Variants in EVL observed in about 807,000 individuals in gnomAD.
EVL encodes Enah/Vasp-like, also known as ena/VASP-like protein.
In EVL, 21 loss-of-function variants were observed where a neutral mutation model predicts 59.6. The ratio of observed to expected loss-of-function variants is 0.35; its 90% CI spans 0.25 to 0.51. The LOEUF (loss-of-function observed/expected upper bound fraction) is 0.51. Ranked by LOEUF, EVL falls within the 20% of genes least tolerant of loss-of-function variation. The probability of loss-of-function intolerance (pLI) is 0.97; values close to 1 mark genes in which losing one functional copy is unlikely to be tolerated. For synonymous variants in EVL, 198 were observed against 203.5 expected (o/e 0.97, Z 0.23); for missense variants, 462 against 546.6 (o/e 0.85, Z 1.54).
intron 3 of EVL, among the ~76,000 whole-genome samples, chr14:100,113,320 G>A (rs141542849): frequency 2.6e-4 from 39 of 152,254 alleles, no homozygotes; most frequent in South Asian, 1.2e-3. Flanking sequence ...CTGGAGCTGC[G>A]AGGAAGGTCA....
intron 1 of EVL, among the ~76,000 whole-genome samples, chr14:99,995,789 C>T (rs1313546278): frequency 6.6e-6 from 1 of 152,120 alleles, no homozygotes; most frequent in African/African-American, 2.4e-5. Flanking sequence ...AACTCTCAAG[C>T]CTTTTCTTGG....
chr14:99,978,793 C>T (rs1338404588), intron 1 of EVL, among the ~76,000 whole-genome samples: 4 of 152,120 alleles, frequency 2.6e-5, no homozygotes, highest in Non-Finnish European at 4.4e-5. Flanking sequence ...CATGAGAGTA[C>T]GTAGATATGA....
At chr14:100,003,194 A>T (rs2060956654) in intron 1 of EVL, among the ~76,000 whole-genome samples, 1 of 152,080 alleles carries the variant, frequency 6.6e-6, no homozygotes, top group Admixed American at 6.5e-5. Context: ...GAATAGCTTT[A>T]ATTTCTGGCC....
At chr14:100,087,475 C>T (rs180720555) in intron 2 of EVL, among the ~76,000 whole-genome samples, 43 of 152,126 alleles carry the variant, frequency 2.8e-4, no homozygotes, top group Non-Finnish European at 4.1e-4. Flanking sequence ...ATTATCTGGG[C>T]GTGGTGGGGC....
intron 3 of EVL, among the ~76,000 whole-genome samples, chr14:100,111,148 A>ATTT (rs35367426): frequency 0.023 from 2,035 of 86,730 alleles, 6 homozygotes; most frequent in Non-Finnish European, 0.031. Flanking sequence ...TAGTGTCCTC[A>ATTT]TTTTTTTTTT....
chr14:100,132,546 GCCTGGCTCCTCA>G (rs1219361523), intron 7 of EVL, among the ~76,000 whole-genome samples, 161 bp from the exon 8 acceptor site: 2 of 152,196 alleles, frequency 1.3e-5, no homozygotes, highest in African/African-American at 4.8e-5. Context: ...ATTTGCCTGG[GCCTGGCTCCTCA>G]CCAGACGGGG....
At chr14:99,996,241 A>G (rs1175440543) in intron 1 of EVL, among the ~76,000 whole-genome samples, 1 of 151,152 alleles carries the variant, frequency 6.6e-6, no homozygotes, top group Non-Finnish European at 1.5e-5. Context: ...GCTGGCTTTC[A>G]TGAGGTTCTT....
intron 9 of EVL, chr14:100,137,249 C>T: frequency 2.6e-6 from 1 of 390,644 alleles, no homozygotes; most frequent in South Asian, 3.1e-5. Flanking sequence ...CACGTGGGAG[C>T]AAGGCTGTGC....
rs986240086 is a variant in EVL at position 100,128,870 on chromosome 14, G to A, written c.717+122G>A. ...CAAACTGCTTCCCTGCCCAAAGCTA[G>A]CTGGCCCTTGGCCACTTGTTCTCAA... On this transcript the variant is annotated intron_variant, in intron 6 of 13. Coordinates refer to ENST00000392920, the MANE Select transcript of EVL (RefSeq NM_016337.3). 6 of 823,670 alleles carry A rather than the reference G, an allele frequency of 7.3e-6. No individual in the cohort carries two copies. The African/African-American group carries it at 1.0e-4, about 14-fold the overall frequency. The allele number at this position is 823,670 out of a possible 1,614,324, so 51.0% of individuals were successfully genotyped here. A position where few individuals can be genotyped will look rare whatever the true frequency, so the allele number is the denominator to read the frequency against.
At chr14:99,985,599 C>A (rs2060834769) in intron 1 of EVL, among the ~76,000 whole-genome samples, 2 of 151,954 alleles carry the variant, frequency 1.3e-5, no homozygotes, top group Non-Finnish European at 2.9e-5. Context: ...GAAACCCCGT[C>A]TCTACTTAAA....
intron 1 of EVL, among the ~76,000 whole-genome samples, chr14:99,980,561 G>C (rs2060799759): frequency 1.3e-5 from 2 of 152,214 alleles, no homozygotes; most frequent in Non-Finnish European, 2.9e-5. Context: ...TGTGATTACA[G>C]AATACAGTAT....
intron 3 of EVL, among the ~76,000 whole-genome samples, chr14:100,117,614 G>T (rs1339121656): frequency 6.6e-6 from 1 of 152,232 alleles, no homozygotes; most frequent in Non-Finnish European, 1.5e-5. Context: ...TACGGGTAGA[G>T]TGGAGCTCAC....
chr14:100,092,522 G>A (rs944016019), intron 2 of EVL, among the ~76,000 whole-genome samples: 2 of 152,118 alleles, frequency 1.3e-5, no homozygotes, highest in African/African-American at 4.8e-5. Context: ...ATCACCTGAG[G>A]TCAGGGTTTC....
chr14:100,137,403 A>G, intron 9 of EVL, 175 bp from the exon 10 acceptor site: 1 of 641,716 alleles, frequency 1.6e-6, no homozygotes, highest in Non-Finnish European at 2.8e-6. Flanking sequence ...GACCTAGGCC[A>G]TGGGGGACTG....
In EVL at chr14:100,127,437, T is replaced by C. The variant is rs1888146840; in HGVS notation, c.487+666T>C. ...GATGAGAAACCCGAGCCCCCACTGG[T>C]TACAGGAACGCTCTGCTCGTGAGAT... On this transcript the variant is annotated intron_variant, in intron 5 of 13. Coordinates refer to ENST00000392920, the MANE Select transcript of EVL (RefSeq NM_016337.3). This position sits in a 1 kb window ranked among gnomAD's most constrained non-coding sequence, Gnocchi z 4.2. Among the ~76,000 whole-genome samples the C allele has an allele frequency of 6.6e-6, 1 of 152,138 alleles. No homozygotes were observed. Among genetic ancestry groups the C allele is most frequent in the African/African-American group, 2.4e-5 (1 of 41,432 alleles).
intron 1 of EVL, among the ~76,000 whole-genome samples, chr14:99,998,243 C>T (rs568417254): frequency 7.2e-5 from 11 of 151,944 alleles, no homozygotes; most frequent in East Asian, 1.9e-4. Context: ...TAGTCTCAAA[C>T]GCGGCTCCAG....
At chr14:100,124,390 T>C (rs1486343415) in intron 4 of EVL, among the ~76,000 whole-genome samples, 1 of 152,152 alleles carries the variant, frequency 6.6e-6, no homozygotes, top group Non-Finnish European at 1.5e-5. Context: ...CAAGACCTCC[T>C]CTCCTCTGGC....
chr14:100,117,642 G>T (rs1313588356), intron 3 of EVL, among the ~76,000 whole-genome samples: 1 of 152,186 alleles, frequency 6.6e-6, no homozygotes, highest in Admixed American at 6.5e-5. Flanking sequence ...TTCCTAGGAC[G>T]AGGGAGGCTA....
chr14:100,039,978 C>T (rs1320452997), intron 1 of EVL, among the ~76,000 whole-genome samples: 1 of 152,156 alleles, frequency 6.6e-6, no homozygotes, highest in Non-Finnish European at 1.5e-5. Context: ...TGGAGTCTTG[C>T]TGTGTTGCCC....
Sources: allele counts gnomAD v4.1 joint callset (sites outside exome capture counted in the v4.1 genomes callset), GRCh38; gene constraint gnomAD v4.1.1; non-coding constraint Gnocchi (gnomAD v3.1); transcripts MANE v1.5; gene names NCBI Gene and HGNC (gene_info 2026-07-23, HGNC 2026-07-21).